The following PCDHGA6 variants were observed in gnomAD, a reference collection of about 807,000 sequenced individuals.
The protein encoded by PCDHGA6 is protocadherin gamma subfamily A, 6.
Under a neutral mutation model 60.6 loss-of-function variants are expected in PCDHGA6, and 41 were observed. That is an observed-to-expected ratio of 0.68 (90% CI 0.53 to 0.88). The LOEUF (loss-of-function observed/expected upper bound fraction) is 0.88. Ranked by LOEUF, PCDHGA6 falls within the 40% of genes least tolerant of loss-of-function variation. The probability of loss-of-function intolerance (pLI) is 0.00; values close to 1 mark genes in which losing one functional copy is unlikely to be tolerated. For missense variants in PCDHGA6, 1,312 were observed against 1,203.0 expected (o/e 1.09, Z -1.34); for synonymous variants, 594 against 524.4 (o/e 1.13, Z -1.81).
intron 2 of PCDHGA6, among the ~76,000 whole-genome samples, chr5:141,504,579 G>T (rs994771989): frequency 2.0e-5 from 3 of 149,174 alleles, no homozygotes; most frequent in Non-Finnish European, 4.4e-5. Context: ...AACACCATCT[G>T]CCCAGGATTC....
chr5:141,394,374 G>C, intron 1 of PCDHGA6: 6 of 1,614,172 alleles, frequency 3.7e-6, no homozygotes, highest in Non-Finnish European at 5.1e-6. Context: ...GCAATCTTTC[G>C]ACTATGAGCA....
At chr5:141,419,543 G>T (rs573594140) in intron 1 of PCDHGA6, 1 of 1,612,106 alleles carries the variant, frequency 6.2e-7, no homozygotes, top group East Asian at 2.2e-5. Flanking sequence ...CGCACCGCGG[G>T]TGCTGTACCC....
rs764976894 is a variant in PCDHGA6, at chr5:141,476,238, G to T, written c.2425-18569G>T. On this transcript the variant is annotated intron_variant, in intron 1 of 3. Transcript: ENST00000517434. The surrounding 1 kb of genome is among the most constrained non-coding windows in gnomAD (Gnocchi z 7.6). ...ATTCACTATGAGATCCCGGAGGAAA[G>T]AGAGAAGGGTTTCGCTGTGGGCAAC... is the stretch of plus-strand genomic sequence containing the variant. The T allele has an allele frequency of 3.1e-6, 5 of 1,614,098 alleles. No individual in the cohort carries two copies. The highest frequency in any genetic ancestry group is 4.2e-6 in the Non-Finnish European group (5 of 1,180,012).
At chr5:141,376,704 G>T in intron 1 of PCDHGA6, 197 bp downstream of exon 1, 1 of 620,824 alleles carries the variant, frequency 1.6e-6, no homozygotes. Flanking sequence ...TTTTGAGACG[G>T]AGTCTCGCTC....
chr5:141,510,862 C>CATTCA, intron 3 of PCDHGA6, 85 bp from the exon 4 acceptor site: 1 of 1,606,772 alleles, frequency 6.2e-7, no homozygotes, highest in South Asian at 1.1e-5. Flanking sequence ...GCTGTATAGG[C>CATTCA]ATTCATTAAC....
At position 141,485,614 on chromosome 5, in the gene PCDHGA6, T is replaced by G; in HGVS notation, c.2425-9193T>G. 1 of 1,612,236 alleles carries G rather than the reference T, an allele frequency of 6.2e-7. No individual in the cohort carries two copies. Among genetic ancestry groups the G allele is most frequent in the Non-Finnish European group, 8.5e-7 (1 of 1,178,686 alleles). On this transcript the variant is annotated intron_variant, in intron 1 of 3. Transcript: ENST00000517434. The surrounding 1 kb of genome is among the most constrained non-coding windows in gnomAD (Gnocchi z 5.7). ...ACTTGGAAATTGGGGAGGCAGCTCC[T>G]CCAGGACAGCGTTTCCCGTTGGAAA...
At position 141,376,165 on chromosome 5, in the gene PCDHGA6, G is replaced by T. The variant is rs181247360; in HGVS notation, c.2082G>T (p.Val694=). ...PNDSDLTLYL[V]VAVAAVSCVF... ...ATTCGGACCTCACTCTGTACCTGGT[G>T]GTGGCGGTGGCCGCGGTCTCCTGCG... The change falls in exon 1 of 4, where the codon GTG becomes GTT. Residue 694 remains valine (V), a synonymous_variant. Transcript: ENST00000517434. 1 of 1,614,018 alleles carries T rather than the reference G, an allele frequency of 6.2e-7. No homozygotes were observed. The highest frequency in any genetic ancestry group is 1.3e-5 in the African/African-American group (1 of 74,948).
chr5:141,399,311 A>G, intron 1 of PCDHGA6: 1 of 1,613,970 alleles, frequency 6.2e-7, no homozygotes, highest in Non-Finnish European at 8.5e-7. Flanking sequence ...TCTTCATCCA[A>G]AAATTCGTAT....
chr5:141,474,819 G>A (rs1180279468), intron 1 of PCDHGA6, among the ~76,000 whole-genome samples: 1 of 152,190 alleles, frequency 6.6e-6, no homozygotes, highest in Non-Finnish European at 1.5e-5. Flanking sequence ...CATTAATTGA[G>A]GCTTACTCTG....
chr5:141,410,661 A>G, intron 1 of PCDHGA6: 1 of 1,572,394 alleles, frequency 6.4e-7, no homozygotes, highest in Non-Finnish European at 8.6e-7. Context: ...CTAATAGTCT[A>G]CTAGTTTCTC....
intron 1 of PCDHGA6, chr5:141,441,480 T>A (rs1679700290): frequency 5.9e-6 from 1 of 170,298 alleles, no homozygotes. Flanking sequence ...CCAACGACAA[T>A]GCTCTGGTTT....
rs2099450974 is a variant in PCDHGA6 at position 141,478,361 on chromosome 5, G to A, written c.2425-16446G>A. 6 of 1,613,776 alleles carry A rather than the reference G, an allele frequency of 3.7e-6. No individual in the cohort carries two copies. The East Asian group carries it at 1.3e-4, about 36-fold the overall frequency. ...CTCCTTGCACGCGGACGCCGTGCGGGGAGGCCTGATGTCGCCGCACCTTTA... is the reference window on the plus strand; with the variant it reads ...CTCCTTGCACGCGGACGCCGTGCGGAGAGGCCTGATGTCGCCGCACCTTTA... On this transcript the variant is annotated intron_variant, in intron 1 of 3. Coordinates refer to ENST00000517434, the MANE Select transcript of PCDHGA6 (RefSeq NM_018919.3).
chr5:141,423,213 C>A, intron 1 of PCDHGA6: 1 of 1,613,710 alleles, frequency 6.2e-7, no homozygotes, highest in Non-Finnish European at 8.5e-7. Flanking sequence ...TCACGCTCAC[C>A]GTGGCTGTGG....
At chr5:141,389,466 C>T (rs760000487) in intron 1 of PCDHGA6, 1 of 1,613,330 alleles carries the variant, frequency 6.2e-7, no homozygotes, top group East Asian at 2.2e-5. Flanking sequence ...CGCCTTCGAA[C>T]TCACACTGCA....
At chr5:141,500,145 T>C (rs2099796736) in intron 2 of PCDHGA6, among the ~76,000 whole-genome samples, 2 of 151,992 alleles carry the variant, frequency 1.3e-5, no homozygotes, top group East Asian at 3.9e-4. Context: ...TAAACTTTTC[T>C]TTGTGTAATC....
At chr5:141,394,101 C>A (rs753056702) in intron 1 of PCDHGA6, 7 of 1,613,944 alleles carry the variant, frequency 4.3e-6, no homozygotes, top group Middle Eastern at 1.6e-4. Flanking sequence ...TCTAGGAACA[C>A]CACCTCTGTC....
chr5:141,419,206 G>T, intron 1 of PCDHGA6: 1 of 1,613,876 alleles, frequency 6.2e-7, no homozygotes, highest in Non-Finnish European at 8.5e-7. Flanking sequence ...ATGACAACGC[G>T]CCGGTTTTCG....
chr5:141,408,873 CCACCG>C (rs776180805), intron 1 of PCDHGA6: 50 of 1,613,104 alleles, frequency 3.1e-5, no homozygotes, highest in Non-Finnish European at 4.1e-5. Context: ...CCAAGAAGTG[CCACCG>C]CTCACATAGA....
rs2099641707 is a variant in PCDHGA6 at position 141,487,238 on chromosome 5, C to T, written c.2425-7569C>T. 1.2e-6 allele frequency: 2 copies of T among 1,614,056 alleles called. No individual in the cohort carries two copies. The highest frequency in any genetic ancestry group is 1.7e-6 in the Non-Finnish European group (2 of 1,180,022). On this transcript the variant is annotated intron_variant, in intron 1 of 3. Transcript: ENST00000517434. This position sits in a 1 kb window ranked among gnomAD's most constrained non-coding sequence, Gnocchi z 5.0. ...AGCTCCAAGGGAAGGAGAATCTCGT[C>T]TAACCCTCTACTTGGCTGTGTCCCT...
Sources: gnomAD v4.1 joint callset for allele counts (sites outside exome capture counted in the v4.1 genomes callset) on GRCh38, gnomAD v4.1.1 for gene constraint, Gnocchi (gnomAD v3.1) non-coding constraint, MANE v1.5 for transcripts, NCBI Gene and HGNC (gene_info 2026-07-23, HGNC 2026-07-21) for gene names.